ELAPOR2: variants seen among roughly 807,000 people sequenced by gnomAD.
ELAPOR2 encodes endosome/lysosome-associated apoptosis and autophagy regulator family member 2.
In ELAPOR2, 89 loss-of-function variants were observed where a neutral mutation model predicts 120.7. The observed-to-expected ratio is 0.74, with a 90% CI of 0.62 to 0.88. ELAPOR2 has a LOEUF of 0.88. ELAPOR2 is among the 40% of genes least tolerant of loss of function. The pLI is 0.00. For missense variants in ELAPOR2, 1,134 were observed against 1,251.6 expected (o/e 0.91, Z 1.42); for synonymous variants, 444 against 444.9 (o/e 1.00, Z 0.03).
At chr7:87,034,950 C>G (rs1011601442) in intron 1 of ELAPOR2, among the ~76,000 whole-genome samples, 1 of 151,980 alleles carries the variant, frequency 6.6e-6, no homozygotes, top group Non-Finnish European at 1.5e-5. Flanking sequence ...GACATGGTGG[C>G]GTGTGCCTGT....
At chr7:86,989,800 A>G (rs766808527) in intron 1 of ELAPOR2, among the ~76,000 whole-genome samples, 4 of 151,732 alleles carry the variant, frequency 2.6e-5, no homozygotes, top group Non-Finnish European at 5.9e-5. Context: ...TTTTATTTTT[A>G]TATTTTTTAT....
intron 1 of ELAPOR2, among the ~76,000 whole-genome samples, chr7:87,046,220 A>T (rs796948074): frequency 3.3e-4 from 51 of 152,312 alleles, no homozygotes; most frequent in Middle Eastern, 3.4e-3. Flanking sequence ...CCATGAATAA[A>T]ATACCTAGGA....
chr7:87,044,270 T>C (rs1794873514), intron 1 of ELAPOR2, among the ~76,000 whole-genome samples: 1 of 75,808 alleles, frequency 1.3e-5, no homozygotes, highest in African/African-American at 5.6e-5. Flanking sequence ...AAAGTTCATA[T>C]GGAACCAAAA....
At chr7:86,944,781 A>AACAC in intron 4 of ELAPOR2, 118 bp downstream of exon 4, 1 of 715,910 alleles carries the variant, frequency 1.4e-6, no homozygotes, top group Non-Finnish European at 2.2e-6. Flanking sequence ...AGGTTCAGTT[A>AACAC]ACACACACAC....
At chr7:86,938,032 T>C (rs1019069967) in intron 8 of ELAPOR2, 94 bp downstream of exon 8, 59 of 917,020 alleles carry the variant, frequency 6.4e-5, no homozygotes, top group Admixed American at 3.3e-4. Context: ...CATACGTGTG[T>C]CATAAATATC....
chr7:86,912,454 G>A (rs972673082), intron 14 of ELAPOR2, among the ~76,000 whole-genome samples: 2 of 151,008 alleles, frequency 1.3e-5, no homozygotes. Flanking sequence ...TTTAAAGACA[G>A]AGTAAAGTTA....
chr7:87,015,020 G>A (rs1418090384), intron 1 of ELAPOR2, among the ~76,000 whole-genome samples: 1 of 151,618 alleles, frequency 6.6e-6, no homozygotes, highest in Admixed American at 6.6e-5. Context: ...AAGAAGTGGT[G>A]CGCTGCAGGA....
At chr7:86,894,017 T>C (rs186707731) in intron 19 of ELAPOR2, among the ~76,000 whole-genome samples, 221 of 152,214 alleles carry the variant, frequency 1.5e-3, no homozygotes, top group Non-Finnish European at 2.5e-3. Flanking sequence ...TTCTGGTATA[T>C]GATGGTCATT....
intron 1 of ELAPOR2, among the ~76,000 whole-genome samples, chr7:87,022,301 G>T (rs960895785): frequency 1.5e-5 from 2 of 137,174 alleles, no homozygotes; most frequent in African/African-American, 2.8e-5. Context: ...CATTGTTCAA[G>T]TCCCACCTAC....
intron 8 of ELAPOR2, among the ~76,000 whole-genome samples, chr7:86,930,002 T>C (rs1790257442): frequency 6.6e-6 from 1 of 151,958 alleles, no homozygotes; most frequent in Non-Finnish European, 1.5e-5. Flanking sequence ...TTAAACTTCT[T>C]TCATTTATAA....
At chr7:86,960,044 C>T (rs1209751819) in intron 2 of ELAPOR2, among the ~76,000 whole-genome samples, 1 of 152,110 alleles carries the variant, frequency 6.6e-6, no homozygotes, top group African/African-American at 2.4e-5. Context: ...TTTCTGGTTT[C>T]ACTCCATTGT....
intron 1 of ELAPOR2, among the ~76,000 whole-genome samples, chr7:86,992,127 AT>A (rs1583962158): frequency 6.6e-6 from 1 of 152,216 alleles, no homozygotes; most frequent in Non-Finnish European, 1.5e-5. Flanking sequence ...CAGGAAGCTG[AT>A]TTTTTTATGG....
chr7:86,892,298 A>G (rs905734630), intron 20 of ELAPOR2, among the ~76,000 whole-genome samples: 3 of 152,034 alleles, frequency 2.0e-5, no homozygotes, highest in South Asian at 2.1e-4. Context: ...TCATCTCTCT[A>G]TATTATTTAT....
At chr7:87,020,969 T>C (rs555108983) in intron 1 of ELAPOR2, among the ~76,000 whole-genome samples, 1 of 152,240 alleles carries the variant, frequency 6.6e-6, no homozygotes, top group Non-Finnish European at 1.5e-5. Flanking sequence ...ATTAATATAG[T>C]AGCATGAGCT....
chr7:87,046,026 C>T lies in ELAPOR2; in HGVS notation c.189+13299G>A, dbSNP rs1794943501. Among the ~76,000 whole-genome samples the T allele has an allele frequency of 2.0e-5, 3 of 151,914 alleles. No individual in the cohort carries two copies. The South Asian group carries it at 6.2e-4, about 32-fold the overall frequency. ...GAAGAAGTCAAGTTATCCTTGTTTG[C>T]AGATGACATATCTTATATTGGAAAA... On this transcript the variant is annotated intron_variant, in intron 1 of 21. Coordinates refer to ENST00000450689, the MANE Select transcript of ELAPOR2 (RefSeq NM_001142749.3).
chr7:86,965,592 T>A (rs986733633), intron 1 of ELAPOR2, among the ~76,000 whole-genome samples: 1 of 152,162 alleles, frequency 6.6e-6, no homozygotes, highest in Non-Finnish European at 1.5e-5. Flanking sequence ...ACTATTAAAA[T>A]TGACCATTAA....
At chr7:86,939,062 A>T in intron 6 of ELAPOR2, 102 bp from the exon 7 acceptor site, 1 of 1,301,522 alleles carries the variant, frequency 7.7e-7, no homozygotes, top group Non-Finnish European at 1.1e-6. Context: ...AGATATATGA[A>T]CAGTAAGGTC....
At chr7:86,909,785 T>C (rs1789209922) in intron 16 of ELAPOR2, 27 bp downstream of exon 16, 6 of 1,552,984 alleles carry the variant, frequency 3.9e-6, no homozygotes, top group Non-Finnish European at 5.3e-6. Context: ...AATGTATGCA[T>C]GCATATATGA....
chr7:86,994,282 C>G (rs2116608765), intron 1 of ELAPOR2, among the ~76,000 whole-genome samples: 1 of 152,248 alleles, frequency 6.6e-6, no homozygotes, highest in South Asian at 2.1e-4. Context: ...TCCAAACACA[C>G]AGAGTTGACA....
Sources: gnomAD v4.1 joint callset for allele counts (sites outside exome capture counted in the v4.1 genomes callset) on GRCh38, gnomAD v4.1.1 for gene constraint, MANE v1.5 for transcripts, NCBI Gene and HGNC (gene_info 2026-07-23, HGNC 2026-07-21) for gene names.